Variants in EPG5 observed in about 807,000 individuals in gnomAD.
The protein encoded by EPG5 is ectopic P-granules 5 autophagy tethering factor.
EPG5 carries 159 observed loss-of-function variants against 302.7 expected under a neutral mutation model. The ratio of observed to expected loss-of-function variants is 0.53; its 90% CI spans 0.46 to 0.60. EPG5 has a LOEUF of 0.60. EPG5 is among the 20% of genes least tolerant of loss of function. EPG5 has a pLI of 0.00. For missense variants in EPG5, 2,896 were observed against 3,092.4 expected (o/e 0.94, Z 1.51); for synonymous variants, 1,158 against 1,136.8 (o/e 1.02, Z -0.37).
At position 45,941,324 on chromosome 18, in the gene EPG5, T is replaced by C. The variant is rs573992565; in HGVS notation, c.1944-1569A>G. Among the ~76,000 whole-genome samples, 31 of 152,262 alleles carry C rather than the reference T, an allele frequency of 2.0e-4. No individual in the cohort carries two copies. The South Asian group carries it at 6.2e-3, about 31-fold the overall frequency. ...TGTAAGCTGCGTGAGAGATGCCAAG[T>C]AGGATGAAGAGACCCAGAACTGGCC... On this transcript the variant is annotated intron_variant, in intron 9 of 43. Transcript: ENST00000282041.
intron 2 of EPG5, chr18:45,953,622 G>A (rs2050959075): frequency 8.1e-6 from 8 of 985,134 alleles, no homozygotes; most frequent in Non-Finnish European, 9.6e-6. Flanking sequence ...GCCTCCATAG[G>A]GTTGCATCTA....
rs374637282 is a variant in EPG5 at position 45,954,531 on chromosome 18, A to T, written c.871T>A (p.Tyr291Asn). 26 of 1,614,146 alleles carry T rather than the reference A, an allele frequency of 1.6e-5. No homozygotes were observed. The highest frequency in any genetic ancestry group is 2.1e-5 in the Non-Finnish European group (25 of 1,180,048). The stretch of plus-strand genomic sequence containing the variant: ...CGTGAGTAGTTCAAAAGCAACTCAT[A>T]AAATTCATGCCTGTCTTGATGAGCC... ...SMAHQDRHEF[Y>N]ELLLNYSRCR... The change falls in exon 2 of 44, where the codon TAT becomes AAT. Residue 291 changes from tyrosine (Y) to asparagine (N), a missense_variant. Coordinates refer to ENST00000282041, the MANE Select transcript of EPG5 (RefSeq NM_020964.3).
At chr18:45,803,676 A>G in the EPG5 span, among the ~76,000 whole-genome samples, 1 of 151,864 alleles carries the variant, frequency 6.6e-6, no homozygotes, top group African/African-American at 2.4e-5. Flanking sequence ...TTTTTGCCTG[A>G]CCCCCAAACA....
At chr18:45,810,612 C>G in the EPG5 span, among the ~76,000 whole-genome samples, 2 of 152,154 alleles carry the variant, frequency 1.3e-5, no homozygotes, top group Non-Finnish European at 2.9e-5. Context: ...AAAACCCTGT[C>G]TCTACTAAAA....
intron 13 of EPG5, among the ~76,000 whole-genome samples, chr18:45,926,550 G>A (rs192145507): frequency 6.6e-6 from 1 of 152,160 alleles, no homozygotes; most frequent in Non-Finnish European, 1.5e-5. Context: ...ATCTGGGCCA[G>A]GCATGATGGC....
At chr18:45,811,033 C>T in the EPG5 span, among the ~76,000 whole-genome samples, 1 of 152,158 alleles carries the variant, frequency 6.6e-6, no homozygotes, top group Non-Finnish European at 1.5e-5. Context: ...TAAAGGCCAT[C>T]TATGACAAGC....
In EPG5 at chr18:45,922,594, A is replaced by G. The variant is rs750349437; in HGVS notation, c.2845T>C (p.Tyr949His). The change falls in exon 16 of 44, where the codon TAT becomes CAT. Residue 949 changes from tyrosine (Y) to histidine (H), a missense_variant. This residue lies in a region of EPG5 where 1,390 missense variants were observed against 1,430.0 expected (regional missense o/e 0.97). Transcript: ENST00000282041. ...CCATATCGAACAATACTGGCCAAATATGAAACCTAAAACAATTATTTATTT... is the reference window on the plus strand; with the variant it reads ...CCATATCGAACAATACTGGCCAAATGTGAAACCTAAAACAATTATTTATTT... Reference protein sequence around the residue: ...ILSESMKQVSYLASIVRYGET... With the variant: ...ILSESMKQVSHLASIVRYGET... 1.1e-5 allele frequency: 17 copies of G among 1,613,676 alleles called. No individual in the cohort carries two copies. The highest frequency in any genetic ancestry group is 1.4e-5 in the Non-Finnish European group (17 of 1,179,812).
At chr18:45,904,852 T>A (rs938601975) in intron 24 of EPG5, among the ~76,000 whole-genome samples, 1 of 152,198 alleles carries the variant, frequency 6.6e-6, no homozygotes, top group Non-Finnish European at 1.5e-5. Flanking sequence ...GTTATGTCAT[T>A]TTTTTATCCC....
intron 16 of EPG5, among the ~76,000 whole-genome samples, 158 bp downstream of exon 16, chr18:45,922,183 G>C (rs1448430810): frequency 6.6e-6 from 1 of 152,176 alleles, no homozygotes; most frequent in East Asian, 1.9e-4. Context: ...AATTTGGGCA[G>C]CATCTCCCCT....
downstream of EPG5, among the ~76,000 whole-genome samples, chr18:45,845,920 G>C (rs932293633): frequency 9.9e-5 from 15 of 152,202 alleles, no homozygotes; most frequent in Admixed American, 9.8e-4. Flanking sequence ...TACGTGAGAA[G>C]AAACCACCCA....
chr18:45,898,738 CACTTGGAACGGGCTG>C (rs1269955079), intron 27 of EPG5, among the ~76,000 whole-genome samples: 1 of 152,232 alleles, frequency 6.6e-6, no homozygotes, highest in East Asian at 1.9e-4. Context: ...ACCCCCAAAA[CACTTGGAACGGGCTG>C]ACCTAGCCAC....
intron 2 of EPG5, chr18:45,953,848 T>C (rs1278030889): frequency 2.0e-6 from 2 of 985,254 alleles, no homozygotes; most frequent in Non-Finnish European, 1.2e-6. Flanking sequence ...TGCAACCCCA[T>C]GGAGGCCAAA....
chr18:45,817,376 C>T, the EPG5 span, among the ~76,000 whole-genome samples: 1 of 152,192 alleles, frequency 6.6e-6, no homozygotes, highest in African/African-American at 2.4e-5. Flanking sequence ...TCTACCACCA[C>T]TTCTACTTCT....
the EPG5 span, among the ~76,000 whole-genome samples, chr18:45,804,676 A>C: frequency 6.6e-6 from 1 of 152,216 alleles, no homozygotes; most frequent in South Asian, 2.1e-4. Context: ...TCCAAATAAA[A>C]GAAAACTAAG....
chr18:45,966,346 G>C (rs1420959950), intron 1 of EPG5, among the ~76,000 whole-genome samples: 1 of 148,046 alleles, frequency 6.8e-6, no homozygotes, highest in Non-Finnish European at 1.5e-5. Flanking sequence ...ACTGCACTCC[G>C]GCCTGGGCGA....
intron 31 of EPG5, 139 bp downstream of exon 31, chr18:45,882,135 C>T: frequency 1.3e-6 from 1 of 757,604 alleles, no homozygotes; most frequent in Non-Finnish European, 2.1e-6. Flanking sequence ...TTCATCAAGC[C>T]CTTTAGATGA....
At chr18:45,806,204 T>C in the EPG5 span, among the ~76,000 whole-genome samples, 16 of 152,138 alleles carry the variant, frequency 1.1e-4, no homozygotes, top group Admixed American at 6.6e-4. Context: ...AATTAGCTAG[T>C]TTGGGGGTAG....
chr18:45,934,993 T>G, intron 10 of EPG5, 27 bp from the exon 11 acceptor site: 1 of 1,582,044 alleles, frequency 6.3e-7, no homozygotes, highest in Non-Finnish European at 8.6e-7. Flanking sequence ...ATCATTTTAT[T>G]TATTAATCAG....
In EPG5 at chr18:45,944,015, A is replaced by C. The variant is rs888785002; in HGVS notation, c.1782T>G (p.Phe594Leu). The change falls in exon 8 of 44, where the codon TTT (phenylalanine) becomes TTG (leucine). Residue 594 changes from phenylalanine to leucine, a missense_variant. Transcript: ENST00000282041. ...FHELFQHLLG[F>L]KAKGDYLPET... ...GAGAAATGAGTCTACCTTTTGCTTT[A>C]AACCCAAGAAGATGCTGAAAGAGTT... is the stretch of plus-strand genomic sequence containing the variant. 7 of 1,609,452 alleles carry C rather than the reference A, an allele frequency of 4.3e-6. No individual in the cohort carries two copies. In the African/African-American group the frequency reaches 8.0e-5, roughly 18 times the overall value.
Sources: allele counts gnomAD v4.1 joint callset (sites outside exome capture counted in the v4.1 genomes callset), GRCh38; gene constraint gnomAD v4.1.1; regional missense constraint gnomAD v4.1.1; transcripts MANE v1.5; gene names NCBI Gene and HGNC (gene_info 2026-07-23, HGNC 2026-07-21).